Variants in ADGRL2 observed in about 807,000 individuals in gnomAD.
ADGRL2 encodes calcium-independent alpha-latrotoxin receptor 2.
In ADGRL2, 44 loss-of-function variants were observed where a neutral mutation model predicts 157.4. The ratio of observed to expected loss-of-function variants is 0.28; its 90% CI spans 0.22 to 0.36. ADGRL2 has a LOEUF of 0.36. ADGRL2 is among the 10% of genes least tolerant of loss of function. ADGRL2 has a pLI of 1.00. For missense variants in ADGRL2, 1,510 were observed against 1,768.9 expected, an observed-to-expected ratio of 0.85 and a Z score of 2.63; for synonymous variants, 585 against 624.7, an observed-to-expected ratio of 0.94 and a Z score of 0.95.
intron 3 of ADGRL2, among the ~76,000 whole-genome samples, chr1:81,609,284 C>T (rs1254649257): frequency 1.3e-5 from 2 of 152,132 alleles, no homozygotes; most frequent in Non-Finnish European, 2.9e-5. Context: ...AAGTGATCCA[C>T]CCATCTTGGC....
chr1:81,442,959 C>G (rs897401472), intron 1 of ADGRL2, among the ~76,000 whole-genome samples: 1 of 152,172 alleles, frequency 6.6e-6, no homozygotes, highest in Non-Finnish European at 1.5e-5. Flanking sequence ...TTATTGGTCT[C>G]CAAAAACCTA....
rs763017818 is a variant in ADGRL2 at position 81,990,651 on chromosome 1, A to C, written c.3916A>C (p.Ser1306Arg). The C allele has an allele frequency of 1.2e-6, 2 of 1,614,186 alleles. No individual in the cohort carries two copies. The highest frequency in any genetic ancestry group is 2.2e-5 in the South Asian group (2 of 91,090). The change falls in exon 24 of 24, where the codon AGT (serine) becomes CGT (arginine). Residue 1306 changes from serine (S) to arginine (R), a missense_variant. Coordinates refer to ENST00000686636, the MANE Select transcript of ADGRL2 (RefSeq NM_001366006.2). ...PVKPVIGGSS[S>R]EDDAIVADAS... ...CAAACCTGTGATTGGAGGTAGCAGC[A>C]GTGAAGATGATGCTATTGTGGCAGA... is the stretch of plus-strand genomic sequence containing the variant.
At chr1:81,910,504 G>A (rs1019771330) in intron 3 of ADGRL2, among the ~76,000 whole-genome samples, 3 of 151,588 alleles carry the variant, frequency 2.0e-5, no homozygotes, top group Admixed American at 6.6e-5. Context: ...AAACTTTAAA[G>A]CTATATAAAT....
intron 3 of ADGRL2, among the ~76,000 whole-genome samples, chr1:81,641,723 A>G (rs1430509835): frequency 6.6e-6 from 1 of 152,204 alleles, no homozygotes; most frequent in Non-Finnish European, 1.5e-5. Flanking sequence ...ATATATTAGG[A>G]AAAAGGAAAT....
In ADGRL2 at chr1:81,478,299, T is replaced by C. The variant is rs146849822; in HGVS notation, c.-248+33210T>C. Among the ~76,000 whole-genome samples the C allele has an allele frequency of 7.9e-3, 1,202 of 152,302 alleles. 7 individuals carry two copies. Among genetic ancestry groups the C allele is most frequent in the Non-Finnish European group, 0.012 (840 of 68,018 alleles). ...CTGTGGCCGTACAGGCTGGGCGATA[T>C]GCCCAGGGCTCTAGATGATTCTGCA... On this transcript the variant is annotated intron_variant, in intron 2 of 24. Transcript: ENST00000370721.
At chr1:81,831,233 T>A (rs567976928) in intron 1 of ADGRL2, among the ~76,000 whole-genome samples, 28 of 152,306 alleles carry the variant, frequency 1.8e-4, no homozygotes, top group African/African-American at 6.5e-4. Flanking sequence ...ACTTCTCTAG[T>A]AGTTTGGTTG....
intron 1 of ADGRL2, among the ~76,000 whole-genome samples, chr1:81,705,022 A>C (rs541998049): frequency 8.5e-5 from 13 of 152,308 alleles, no homozygotes; most frequent in African/African-American, 3.1e-4. Flanking sequence ...AAACATGAAC[A>C]AAACAGTGTT....
intron 3 of ADGRL2, among the ~76,000 whole-genome samples, chr1:81,692,630 G>T (rs12060736): frequency 1.3e-5 from 2 of 152,126 alleles, no homozygotes. Context: ...ATAGCACATC[G>T]TAATTCTCTA....
intron 2 of ADGRL2, among the ~76,000 whole-genome samples, chr1:81,541,893 G>A (rs919324777): frequency 5.3e-5 from 8 of 152,222 alleles, no homozygotes; most frequent in Middle Eastern, 6.8e-3. Flanking sequence ...GGGAGGTGGA[G>A]TTTGCGGTGA....
At position 81,992,577 on chromosome 1, in the gene ADGRL2, T is replaced by C. The variant is rs1269143758; in HGVS notation, c.*1432T>C. 2 of 152,218 alleles carry C rather than the reference T, an allele frequency of 1.3e-5. No individual in the cohort carries two copies. Among genetic ancestry groups the C allele is most frequent in the Admixed American group, 1.3e-4 (2 of 15,276 alleles). 9.4% of individuals were successfully genotyped at this position (152,218 alleles called of 1,614,324 possible). A position where few individuals can be genotyped will look rare whatever the true frequency, so the allele number is the denominator to read the frequency against. On this transcript the variant is annotated 3_prime_UTR_variant, in exon 24 of 24. Coordinates refer to ENST00000686636, the MANE Select transcript of ADGRL2 (RefSeq NM_001366006.2). ...TGTTCTTTATGCTGAAAGGAATATA[T>C]GTCTTCCAATTGCCCACTACATATG...
chr1:81,328,645 C>G (rs1299318596), intron 1 of ADGRL2, among the ~76,000 whole-genome samples: 1 of 152,090 alleles, frequency 6.6e-6, no homozygotes, highest in African/African-American at 2.4e-5. Context: ...AACAGTGCAT[C>G]TTTCCACTCA....
intron 4 of ADGRL2, among the ~76,000 whole-genome samples, chr1:81,940,342 C>T (rs1223821307): frequency 6.6e-6 from 1 of 151,492 alleles, no homozygotes; most frequent in Non-Finnish European, 1.5e-5. Context: ...TACGCCCTTC[C>T]GTTATTGATT....
At chr1:81,374,578 G>GAAAAAAAAAAAACA (rs71242588) in intron 1 of ADGRL2, among the ~76,000 whole-genome samples, 1 of 130,256 alleles carries the variant, frequency 7.7e-6, no homozygotes, top group Non-Finnish European at 1.6e-5. Flanking sequence ...TCTCAAAAAA[G>GAAAAAAAAAAAACA]AAAAAAAAAA....
chr1:81,624,343 G>A (rs2081863265), intron 3 of ADGRL2, among the ~76,000 whole-genome samples: 1 of 152,088 alleles, frequency 6.6e-6, no homozygotes, highest in Non-Finnish European at 1.5e-5. Flanking sequence ...CACATTGGGA[G>A]GCCGAGGCAG....
chr1:81,856,166 T>C (rs2093195131), intron 2 of ADGRL2, among the ~76,000 whole-genome samples: 1 of 152,168 alleles, frequency 6.6e-6, no homozygotes, highest in African/African-American at 2.4e-5. Context: ...CTTAGTTGTT[T>C]GGCTCATGGA....
chr1:81,315,789 G>A (rs1314494707), intron 1 of ADGRL2, among the ~76,000 whole-genome samples: 1 of 151,326 alleles, frequency 6.6e-6, no homozygotes, highest in Non-Finnish European at 1.5e-5. Context: ...TTGATTTGTT[G>A]AACTTTTTAA....
At chr1:81,513,621 G>C (rs766639468) in intron 2 of ADGRL2, among the ~76,000 whole-genome samples, 3 of 152,106 alleles carry the variant, frequency 2.0e-5, no homozygotes, top group African/African-American at 7.2e-5. Context: ...ACAGAACCGA[G>C]ACACAATCCC....
chr1:81,861,465 G>T (rs1369135464), intron 2 of ADGRL2, among the ~76,000 whole-genome samples: 1 of 152,198 alleles, frequency 6.6e-6, no homozygotes, highest in African/African-American at 2.4e-5. Flanking sequence ...ATCATGGCAG[G>T]TTCCATATGT....
chr1:81,650,574 CAAAAAAA>C (rs1180168819), intron 3 of ADGRL2, among the ~76,000 whole-genome samples: 6 of 62,346 alleles, frequency 9.6e-5, no homozygotes, highest in Middle Eastern at 7.6e-3. Flanking sequence ...GACTCCATCT[CAAAAAAA>C]AAAAAAAAAA....
Sources: gnomAD v4.1 joint callset for allele counts (sites outside exome capture counted in the v4.1 genomes callset) on GRCh38, gnomAD v4.1.1 for gene constraint, MANE v1.5 for transcripts, NCBI Gene and HGNC (gene_info 2026-07-23, HGNC 2026-07-21) for gene names.